The following ZNF430 variants were observed in gnomAD, a reference collection of about 807,000 sequenced individuals.
The protein encoded by ZNF430 is zinc finger protein 430.
In ZNF430, 35 loss-of-function variants were observed where a neutral mutation model predicts 56.7. The ratio of observed to expected loss-of-function variants is 0.62; its 90% CI spans 0.47 to 0.82. The LOEUF (loss-of-function observed/expected upper bound fraction) is 0.82, where lower values mean the gene tolerates loss of function less well. Among genes scored for constraint, ZNF430 ranks in the 40% least tolerant of loss-of-function variants. The pLI is 0.00. For synonymous variants in ZNF430, 212 were observed against 224.3 expected (o/e 0.94, Z 0.49); for missense variants, 574 against 661.0 (o/e 0.87, Z 1.44).
At chr19:21,056,074 ACTCT>A (rs1464306576) in intron 4 of ZNF430, among the ~76,000 whole-genome samples, 1 of 151,928 alleles carries the variant, frequency 6.6e-6, no homozygotes, top group African/African-American at 2.4e-5. Flanking sequence ...CTTCTGTGTC[ACTCT>A]CTATGTTGTG....
At chr19:21,027,683 T>G (rs901160016) in intron 2 of ZNF430, among the ~76,000 whole-genome samples, 2 of 152,188 alleles carry the variant, frequency 1.3e-5, no homozygotes, top group Admixed American at 6.6e-5. Context: ...TCCTTTCTTT[T>G]CAATATTTTG....
At chr19:21,041,308 T>A (rs1215582504) in intron 4 of ZNF430, among the ~76,000 whole-genome samples, 1 of 152,076 alleles carries the variant, frequency 6.6e-6, no homozygotes, top group Non-Finnish European at 1.5e-5. Flanking sequence ...TTTTTGTTTT[T>A]GTTTTTGTAG....
In ZNF430 at chr19:21,059,556, A is replaced by C. The variant is rs909481406; in HGVS notation, c.*1535A>C. ...GAAACTCCATTTCAAAAAAAAAAAA[A>C]AAAAAACAACTAAAGTTGGTAGAAA... On this transcript the variant is annotated 3_prime_UTR_variant, in exon 5 of 5. Coordinates refer to ENST00000261560, the MANE Select transcript of ZNF430 (RefSeq NM_025189.4). The C allele has an allele frequency of 6.6e-6, 1 of 152,164 alleles. No homozygotes were observed. The highest frequency in any genetic ancestry group is 1.5e-5 in the Non-Finnish European group (1 of 68,016). The allele number at this position is 152,164 out of a possible 1,614,324, so 9.4% of individuals were successfully genotyped here.
At position 21,057,900 on chromosome 19, in the gene ZNF430, A is replaced by G. The variant is rs61744901; in HGVS notation, c.1592A>G (p.His531Arg). The change falls in exon 5 of 5, where the codon CAT (histidine) becomes CGT (arginine). Residue 531 changes from histidine (H) to arginine (R), a missense_variant. His to Arg is a conservative substitution (Grantham distance 29, BLOSUM62 0). Transcript: ENST00000261560. ...AGCCAGTCTTCAACTCTTACTAAAC[A>G]TAAGGTAATTCATACTGGAGAGAAA... ...AFSQSSTLTK[H>R]KVIHTGEKPY... The G allele has an allele frequency of 1.3e-3, 2,118 of 1,614,004 alleles. 29 individuals carry two copies. In the African/African-American group the frequency reaches 0.026, roughly 20 times the overall value.
chr19:21,032,238 A>G (rs1013664035), intron 2 of ZNF430, among the ~76,000 whole-genome samples: 2 of 152,236 alleles, frequency 1.3e-5, no homozygotes, highest in African/African-American at 4.8e-5. Context: ...TTATTAGGAG[A>G]TACCTGCTCT....
chr19:21,048,164 CT>C (rs536496163), intron 4 of ZNF430, among the ~76,000 whole-genome samples: 18 of 59,816 alleles, frequency 3.0e-4, no homozygotes, highest in Non-Finnish European at 4.0e-4. Context: ...CATAAAACAT[CT>C]TTTTTTTTTT....
chr19:21,041,672 G>A (rs1318945650), intron 4 of ZNF430, among the ~76,000 whole-genome samples: 2 of 151,940 alleles, frequency 1.3e-5, no homozygotes, highest in Non-Finnish European at 2.9e-5. Context: ...TACTCTGACA[G>A]GTTCCAGTGT....
At chr19:21,036,549 A>G (rs1968003200) in intron 4 of ZNF430, 1 of 152,164 alleles carries the variant, frequency 6.6e-6, no homozygotes, top group Admixed American at 6.5e-5. Flanking sequence ...AGGGCCAGAC[A>G]TGGTGGTGGC....
At position 21,053,170 on chromosome 19, in the gene ZNF430, C is replaced by A. The variant is rs540433928; in HGVS notation, c.323-3461C>A. On this transcript the variant is annotated intron_variant, in intron 4 of 4. Coordinates refer to ENST00000261560, the MANE Select transcript of ZNF430 (RefSeq NM_025189.4). The stretch of plus-strand genomic sequence containing the variant: ...TACAATTATCTATGTTGCAAACTAA[C>A]CTAAATTTTTTGGTGGGGTGGAGGG... 4.1e-4 allele frequency among the ~76,000 whole-genome samples: 62 copies of A among 152,036 alleles called. 1 individual carries two copies. The South Asian group carries it at 0.013, about 31-fold the overall frequency.
intron 2 of ZNF430, among the ~76,000 whole-genome samples, chr19:21,028,081 A>G (rs1024807428): frequency 1.3e-5 from 2 of 152,298 alleles, no homozygotes; most frequent in South Asian, 2.1e-4. Flanking sequence ...GAATCTGCAC[A>G]TAAGGTCTGG....
intron 3 of ZNF430, 45 bp downstream of exon 3, chr19:21,033,627 T>G: frequency 1.3e-6 from 2 of 1,501,834 alleles, no homozygotes. Context: ...CCCTAAAGGT[T>G]TCATTTCTCA....
chr19:21,037,408 C>T lies in ZNF430; in HGVS notation c.322+3224C>T, dbSNP rs564868705. ...GCTGGGATTACAGGTGTGAGTCACA[C>T]GCTTGGCAAGATTTTGTTTTTTAAG... On this transcript the variant is annotated intron_variant, in intron 4 of 4. Transcript: ENST00000261560. 8.1e-4 allele frequency among the ~76,000 whole-genome samples: 124 copies of T among 152,176 alleles called. 1 individual carries two copies. Among genetic ancestry groups the T allele is most frequent in the Middle Eastern group, 6.8e-3 (2 of 294 alleles).
At chr19:21,039,528 G>A (rs1968066171) in intron 4 of ZNF430, among the ~76,000 whole-genome samples, 1 of 150,940 alleles carries the variant, frequency 6.6e-6, no homozygotes. Flanking sequence ...GTGCAATGGT[G>A]TGATCTTGGC....
rs771102557 is a variant in ZNF430 at position 21,056,822 on chromosome 19, A to G, written c.514A>G (p.Thr172Ala). Residue 172 changes from threonine to alanine, a missense_variant, in exon 5 of 5, where the codon ACC (threonine) becomes GCC (alanine). Thr to Ala is a moderately conservative substitution (Grantham distance 58). This residue lies in a region of ZNF430 where 346 missense variants were observed against 399.1 expected (regional missense o/e 0.87). Transcript: ENST00000261560. ...TGAACTAAACCAGTGTTTGACAACTACCCAGAGTGAAATATTTCAATATGA... is the reference window on the plus strand; with the variant it reads ...TGAACTAAACCAGTGTTTGACAACTGCCCAGAGTGAAATATTTCAATATGA... The part of the protein sequence containing the change: ...YDELNQCLTT[T>A]QSEIFQYDKY... The G allele has an allele frequency of 6.2e-7, 1 of 1,613,774 alleles. No individual in the cohort carries two copies. The highest frequency in any genetic ancestry group is 1.1e-5 in the South Asian group (1 of 90,946).
chr19:21,048,164 C>CTTTTTTTTTTT (rs536496163), intron 4 of ZNF430, among the ~76,000 whole-genome samples: 22 of 59,816 alleles, frequency 3.7e-4, no homozygotes, highest in East Asian at 1.3e-3. Context: ...CATAAAACAT[C>CTTTTTTTTTTT]TTTTTTTTTT....
intron 1 of ZNF430, 123 bp downstream of exon 1, chr19:21,020,926 GC>G: frequency 7.3e-7 from 1 of 1,362,956 alleles, no homozygotes; most frequent in Non-Finnish European, 1.0e-6. Context: ...CCGAGTTCTT[GC>G]CCAGCTGGGC....
chr19:21,054,801 C>G (rs1021063625), intron 4 of ZNF430, among the ~76,000 whole-genome samples: 1 of 150,330 alleles, frequency 6.7e-6, no homozygotes, highest in South Asian at 2.1e-4. Flanking sequence ...CAGCCTCCTG[C>G]GTAGCTGGGA....
At chr19:21,029,719 C>T (rs1424659999) in intron 2 of ZNF430, among the ~76,000 whole-genome samples, 1 of 152,160 alleles carries the variant, frequency 6.6e-6, no homozygotes. Flanking sequence ...GTAATCCCAA[C>T]ACTTTGGGAG....
At chr19:21,053,763 A>G (rs965633509) in intron 4 of ZNF430, among the ~76,000 whole-genome samples, 2 of 152,164 alleles carry the variant, frequency 1.3e-5, no homozygotes, top group African/African-American at 4.8e-5. Flanking sequence ...ATATATATGT[A>G]TGTGTATATA....
Sources: gnomAD v4.1 joint callset for allele counts (sites outside exome capture counted in the v4.1 genomes callset) on GRCh38, gnomAD v4.1.1 for gene constraint, gnomAD v4.1.1 regional missense constraint, MANE v1.5 for transcripts, NCBI Gene and HGNC (gene_info 2026-07-23, HGNC 2026-07-21) for gene names.